Variants in ME2 observed in about 807,000 individuals in gnomAD.
ME2 encodes malic enzyme 2.
A neutral mutation model predicts 73.7 loss-of-function variants in ME2; 60 were observed. The observed-to-expected ratio is 0.81, with a 90% CI of 0.66 to 1.01. The LOEUF (loss-of-function observed/expected upper bound fraction) is 1.01, where lower values mean the gene tolerates loss of function less well. ME2 is among the 50% of genes least tolerant of loss of function. The probability of loss-of-function intolerance (pLI) is 0.00; values close to 1 mark genes in which losing one functional copy is unlikely to be tolerated. For missense variants in ME2, 594 were observed against 705.5 expected (o/e 0.84, Z 1.79); for synonymous variants, 199 against 236.9 (o/e 0.84, Z 1.47).
chr18:50,945,056 G>T (rs1918049886), intron 15 of ME2: 1 of 152,062 alleles, frequency 6.6e-6, no homozygotes, highest in African/African-American at 2.4e-5. Flanking sequence ...ACTGAGAAGA[G>T]CAATTTGGTC....
chr18:50,904,388 C>G (rs1916964805), intron 2 of ME2, among the ~76,000 whole-genome samples: 1 of 151,640 alleles, frequency 6.6e-6, no homozygotes, highest in South Asian at 2.1e-4. Flanking sequence ...AAGCTATTCT[C>G]CTGCCTCAGC....
intron 11 of ME2, among the ~76,000 whole-genome samples, chr18:50,924,498 T>C (rs1917500618): frequency 6.6e-6 from 1 of 152,174 alleles, no homozygotes; most frequent in Non-Finnish European, 1.5e-5. Context: ...TTGCAGATTT[T>C]ACCAGGAAAA....
intron 12 of ME2, among the ~76,000 whole-genome samples, chr18:50,927,394 G>A (rs1166348229): frequency 6.6e-6 from 1 of 151,802 alleles, no homozygotes; most frequent in Non-Finnish European, 1.5e-5. Context: ...AAAAGCTAAG[G>A]ATTCTTTTAA....
chr18:50,896,631 T>G (rs1916753352), intron 2 of ME2, among the ~76,000 whole-genome samples: 1 of 152,120 alleles, frequency 6.6e-6, no homozygotes, highest in South Asian at 2.1e-4. Context: ...AGAGGATACA[T>G]TGAGTTTATT....
chr18:50,901,066 G>A (rs911604818), intron 2 of ME2, among the ~76,000 whole-genome samples: 1 of 152,192 alleles, frequency 6.6e-6, no homozygotes, highest in Non-Finnish European at 1.5e-5. Context: ...GTGAATAATT[G>A]TGGATTTGTG....
chr18:50,943,038 C>A (rs1918000251), intron 15 of ME2, among the ~76,000 whole-genome samples: 1 of 152,088 alleles, frequency 6.6e-6, no homozygotes, highest in Admixed American at 6.6e-5. Flanking sequence ...CTCAAGTGAT[C>A]CTTCTACCAC....
rs112137080 is a variant in ME2, at chr18:50,913,860, T to TATACACACACACACACACACACACAC, written c.392+911_392+912insTACACACACACACACACACACACACA. On this transcript the variant is annotated intron_variant, in intron 4 of 15. Transcript: ENST00000321341. ...CTTTGGAAAATTATCAGCAATATTA[T>TATACACACACACACACACACACACAC]ACACACACACACACACACACACACA... Among the ~76,000 whole-genome samples, 231 of 143,270 alleles carry TATACACACACACACACACACACACAC rather than the reference T, an allele frequency of 1.6e-3. 2 individuals are homozygous for TATACACACACACACACACACACACAC. Among genetic ancestry groups the TATACACACACACACACACACACACAC allele is most frequent in the Middle Eastern group, 3.5e-3 (1 of 282 alleles). 94.0% of individuals were successfully genotyped at this position (143,270 alleles called of 152,430 possible).
At position 50,908,205 on chromosome 18, in the gene ME2, T is replaced by A; in HGVS notation, c.242+9T>A. On this transcript the variant is annotated intron_variant, in intron 3 of 15. Transcript: ENST00000321341. ...ACTAGCCCTTTGGAAAAGTAAGAGT[T>A]GCTTAGATGTTTCTTTTTTTATTGG... 2 of 1,564,284 alleles carry A rather than the reference T, an allele frequency of 1.3e-6. No individual in the cohort carries two copies. Among genetic ancestry groups the A allele is most frequent in the Non-Finnish European group, 1.7e-6 (2 of 1,159,946 alleles).
chr18:50,882,450 G>A (rs1021377643), intron 1 of ME2, among the ~76,000 whole-genome samples: 2 of 152,050 alleles, frequency 1.3e-5, no homozygotes, highest in African/African-American at 4.8e-5. Context: ...TTAATAATAT[G>A]TATATATCAA....
In ME2 at chr18:50,952,237, T is replaced by G. The variant is rs1047671076; in HGVS notation, c.*5053T>G. 1 of 152,190 alleles carries G rather than the reference T, an allele frequency of 6.6e-6. No homozygotes were observed. 9.4% of individuals were successfully genotyped at this position (152,190 alleles called of 1,614,324 possible). A position where few individuals can be genotyped will look rare whatever the true frequency, so the allele number is the denominator to read the frequency against. ...CCATAGAAAACTTTCTCATCTGAAA[T>G]CAGGGTAAGTTTTTTTAATGTAAGC... On this transcript the variant is annotated 3_prime_UTR_variant, in exon 16 of 16. Transcript: ENST00000321341.
chr18:50,886,982 C>T (rs903109876), intron 1 of ME2, among the ~76,000 whole-genome samples: 25 of 152,114 alleles, frequency 1.6e-4, no homozygotes, highest in African/African-American at 5.3e-4. Flanking sequence ...GCCTGTGTGA[C>T]GGCAAGACTC....
intron 15 of ME2, among the ~76,000 whole-genome samples, chr18:50,942,411 T>G (rs678046): frequency 0.52 from 78,224 of 151,884 alleles, 20,395 homozygotes; most frequent in South Asian, 0.67. Context: ...TTTCAGTGTT[T>G]TCTTGACTGT....
chr18:50,919,536 C>T (rs754143131), intron 7 of ME2, among the ~76,000 whole-genome samples: 5 of 152,084 alleles, frequency 3.3e-5, no homozygotes, highest in Non-Finnish European at 7.4e-5. Context: ...ACAGCTTCTT[C>T]CTCATTTCCC....
chr18:50,909,195 C>T (rs1295495008), intron 3 of ME2, among the ~76,000 whole-genome samples: 4 of 152,004 alleles, frequency 2.6e-5, no homozygotes, highest in African/African-American at 9.7e-5. Flanking sequence ...AACTCCTGGA[C>T]TCAAGCAATC....
At chr18:50,915,898 T>C in intron 4 of ME2, 1 of 286,994 alleles carries the variant, frequency 3.5e-6, no homozygotes, top group Non-Finnish European at 6.4e-6. Context: ...TGTATTGAGT[T>C]TATTTGAACA....
chr18:50,939,725 G>A, intron 14 of ME2, 85 bp downstream of exon 14: 1 of 845,146 alleles, frequency 1.2e-6, no homozygotes, highest in Non-Finnish European at 1.9e-6. Context: ...AGAGAGAATG[G>A]GTTAAATCTG....
chr18:50,882,777 C>T lies in ME2; in HGVS notation c.-13+3469C>T, dbSNP rs147238785. On this transcript the variant is annotated intron_variant, in intron 1 of 15. Transcript: ENST00000321341. ...CAGCCTGCCCAACATGGTGAAACCCCGTCTCTACTAAAAATACAAAAATTT... is the reference window on the plus strand; with the variant it reads ...CAGCCTGCCCAACATGGTGAAACCCTGTCTCTACTAAAAATACAAAAATTT... 4.6e-3 allele frequency among the ~76,000 whole-genome samples: 698 copies of T among 152,156 alleles called. 7 individuals carry two copies. The highest frequency in any genetic ancestry group is 0.016 in the African/African-American group (671 of 41,472).
intron 1 of ME2, among the ~76,000 whole-genome samples, chr18:50,892,880 CTT>C (rs1216192040): frequency 3.3e-5 from 5 of 152,068 alleles, no homozygotes; most frequent in African/African-American, 4.8e-5. Flanking sequence ...AATCCCAACA[CTT>C]TGGGAGGCCG....
intron 15 of ME2, 107 bp from the exon 16 acceptor site, chr18:50,946,910 A>G: frequency 1.3e-6 from 1 of 798,344 alleles, no homozygotes; most frequent in East Asian, 2.6e-5. Flanking sequence ...CTGTGAAAAA[A>G]GAAGAATGCC....
Sources: gnomAD v4.1 joint callset for allele counts (sites outside exome capture counted in the v4.1 genomes callset) on GRCh38, gnomAD v4.1.1 for gene constraint, MANE v1.5 for transcripts, NCBI Gene and HGNC (gene_info 2026-07-23, HGNC 2026-07-21) for gene names.